The following NFATC3 variants were observed in gnomAD, a reference collection of about 807,000 sequenced individuals.
NFATC3 encodes the protein nuclear factor of activated T cells 3.
A neutral mutation model predicts 98.6 loss-of-function variants in NFATC3; 46 were observed. The ratio of observed to expected loss-of-function variants is 0.47; its 90% CI spans 0.37 to 0.60. The LOEUF (loss-of-function observed/expected upper bound fraction) is 0.60. Ranked by LOEUF, NFATC3 falls within the 20% of genes least tolerant of loss-of-function variation. The pLI, the probability that NFATC3 is intolerant of heterozygous loss-of-function variation, is 0.00. For missense variants in NFATC3, 1,256 were observed against 1,295.5 expected, an observed-to-expected ratio of 0.97 and a Z score of 0.47; for synonymous variants, 512 against 472.2, an observed-to-expected ratio of 1.08 and a Z score of -1.09.
chr16:68,121,086 T>C (rs1330246015), intron 1 of NFATC3, among the ~76,000 whole-genome samples: 1 of 149,066 alleles, frequency 6.7e-6, no homozygotes, highest in Admixed American at 6.6e-5. Context: ...TATTTGTAAA[T>C]GGGCCAAAAA....
intron 1 of NFATC3, among the ~76,000 whole-genome samples, chr16:68,101,768 C>G (rs1184120222): frequency 6.6e-6 from 1 of 152,136 alleles, no homozygotes; most frequent in Non-Finnish European, 1.5e-5. Context: ...CAGGCATGAC[C>G]CACCGCACCC....
In NFATC3 at chr16:68,192,224, A is replaced by ATATATATAT. The variant is rs1241835522; in HGVS notation, c.3106+449_3106+450insTATATATAT. ...CTCCGTCTCGGGAAAAAAAAAAAAA[A>ATATATATAT]AAAAAAATATATATATATATATATA... On this transcript the variant is annotated intron_variant, in intron 9 of 9. Transcript: ENST00000346183. The ATATATATAT allele has an allele frequency of 4.2e-4, 28 of 67,072 alleles. 1 individual carries two copies. Among genetic ancestry groups the ATATATATAT allele is most frequent in the Non-Finnish European group, 6.9e-4 (23 of 33,434 alleles). 4.2% of individuals were successfully genotyped at this position (67,072 alleles called of 1,614,324 possible). A position where few individuals can be genotyped will look rare whatever the true frequency, so the allele number is the denominator to read the frequency against.
intron 4 of NFATC3, among the ~76,000 whole-genome samples, chr16:68,163,176 T>C (rs960230288): frequency 1.3e-5 from 2 of 152,152 alleles, no homozygotes; most frequent in African/African-American, 4.8e-5. Flanking sequence ...TTTCTCAATC[T>C]TTTCCCCACC....
At chr16:68,222,264 G>A (rs1271944484) in intron 9 of NFATC3, among the ~76,000 whole-genome samples, 2 of 118,140 alleles carry the variant, frequency 1.7e-5, no homozygotes, top group African/African-American at 6.7e-5. Context: ...ATTCCAGCCT[G>A]GGCAACAGAG....
At position 68,112,268 on chromosome 16, in the gene NFATC3, C is replaced by CTTTTT. The variant is rs768228927; in HGVS notation, c.104-9696_104-9692dup. On this transcript the variant is annotated intron_variant, in intron 1 of 9. Coordinates refer to ENST00000346183, the MANE Select transcript of NFATC3 (RefSeq NM_173165.3). The stretch of plus-strand genomic sequence containing the variant: ...CAGGTACCCCAGTTGTAGGTTCAGT[C>CTTTTT]TTTTTTTTTTTTTTTTTTTTTTTTT... Among the ~76,000 whole-genome samples, 18 of 77,420 alleles carry CTTTTT rather than the reference C, an allele frequency of 2.3e-4. 4 individuals are homozygous for CTTTTT. Among genetic ancestry groups the CTTTTT allele is most frequent in the Admixed American group, 2.8e-4 (2 of 7,058 alleles). 50.8% of individuals were successfully genotyped at this position (77,420 alleles called of 152,430 possible).
At chr16:68,213,045 C>G (rs1338826377) in intron 9 of NFATC3, among the ~76,000 whole-genome samples, 3 of 149,204 alleles carry the variant, frequency 2.0e-5, no homozygotes, top group Non-Finnish European at 4.5e-5. Flanking sequence ...ATGATCCACC[C>G]GCCTCAGCCT....
At chr16:68,203,450 G>A (rs2041011335) in intron 9 of NFATC3, among the ~76,000 whole-genome samples, 1 of 151,982 alleles carries the variant, frequency 6.6e-6, no homozygotes, top group Admixed American at 6.6e-5. Flanking sequence ...TGGGCAACAT[G>A]GTGAAACCCT....
intron 6 of NFATC3, among the ~76,000 whole-genome samples, chr16:68,176,383 C>T (rs541990862): frequency 6.7e-6 from 1 of 149,450 alleles, no homozygotes; most frequent in Non-Finnish European, 1.5e-5. Flanking sequence ...GGACTTTGTA[C>T]GATATTGCCT....
intron 6 of NFATC3, among the ~76,000 whole-genome samples, chr16:68,177,121 C>T (rs1400674923): frequency 6.7e-6 from 1 of 149,780 alleles, no homozygotes; most frequent in Non-Finnish European, 1.5e-5. Context: ...GGTCTTGGCT[C>T]ACTGCAGCCT....
In NFATC3 at chr16:68,195,889, T is replaced by C. The variant is rs376484410; in HGVS notation, c.3106+4114T>C. Among the ~76,000 whole-genome samples the C allele has an allele frequency of 3.3e-5, 5 of 152,332 alleles. No homozygotes were observed. The East Asian group carries it at 5.8e-4, about 18-fold the overall frequency. ...TTTTTTTGTGATGGTAGTCTCACCC[T>C]GTCATCCGGTCTGAAGTGCAGTAGT... On this transcript the variant is annotated intron_variant, in intron 9 of 9. Transcript: ENST00000346183.
At chr16:68,166,775 A>G (rs2151595693) in intron 4 of NFATC3, 68 bp from the exon 5 acceptor site, 2 of 1,225,188 alleles carry the variant, frequency 1.6e-6, no homozygotes, top group Non-Finnish European at 2.2e-6. Context: ...AACAATTTCT[A>G]TGTAGTTGAG....
chr16:68,115,381 A>G (rs1040043988), intron 1 of NFATC3, among the ~76,000 whole-genome samples: 2 of 151,958 alleles, frequency 1.3e-5, no homozygotes, highest in Non-Finnish European at 2.9e-5. Flanking sequence ...GACTTTCTTT[A>G]CTTTGCTAGC....
chr16:68,167,140 T>A, intron 5 of NFATC3, 125 bp downstream of exon 5: 1 of 951,840 alleles, frequency 1.1e-6, no homozygotes, highest in Non-Finnish European at 1.6e-6. Context: ...GCTGGTTTGA[T>A]TTTCTCATGT....
intron 9 of NFATC3, chr16:68,224,769 T>C (rs909722662): frequency 6.6e-6 from 1 of 152,122 alleles, no homozygotes; most frequent in Non-Finnish European, 1.5e-5. Context: ...CAGAAAAAGA[T>C]TAGATGTTAA....
At chr16:68,215,904 A>G (rs1567554209) in intron 9 of NFATC3, among the ~76,000 whole-genome samples, 3 of 151,236 alleles carry the variant, frequency 2.0e-5, no homozygotes, top group Admixed American at 6.6e-5. Context: ...AATTTTTTGT[A>G]TTTTTAGTAG....
chr16:68,092,997 T>C (rs1414523101), intron 1 of NFATC3, among the ~76,000 whole-genome samples: 1 of 152,208 alleles, frequency 6.6e-6, no homozygotes, highest in African/African-American at 2.4e-5. Context: ...CCTAATTCAG[T>C]TCTGAAAGTC....
intron 1 of NFATC3, among the ~76,000 whole-genome samples, chr16:68,116,994 G>C (rs2036313131): frequency 6.6e-6 from 1 of 152,052 alleles, no homozygotes; most frequent in Admixed American, 6.6e-5. Flanking sequence ...TGTTTTTCCT[G>C]TCTCTCCTTT....
intron 2 of NFATC3, 62 bp from the exon 3 acceptor site, chr16:68,126,386 T>G (rs3815173): frequency 0.12 from 177,829 of 1,488,686 alleles, 11,489 homozygotes; most frequent in South Asian, 0.19. Flanking sequence ...AAAGAAGCCA[T>G]TTGAATCATT....
At position 68,122,803 on chromosome 16, in the gene NFATC3, A is replaced by G. The variant is rs764240812; in HGVS notation, c.920A>G (p.Glu307Gly). Reference protein sequence around the residue: ...PGHSPRGSVTEDTWLNASVHG... With the variant: ...PGHSPRGSVTGDTWLNASVHG... ...CACTCCCCCAGGGGAAGTGTGACAG[A>G]AGATACGTGGCTCAATGCTTCTGTC... The change falls in exon 2 of 10, where the codon GAA becomes GGA. Residue 307 changes from glutamate (E) to glycine (G), a missense_variant. Transcript: ENST00000346183. 1 of 1,614,284 alleles carries G rather than the reference A, an allele frequency of 6.2e-7. No homozygotes were observed. Among genetic ancestry groups the G allele is most frequent in the South Asian group, 1.1e-5 (1 of 91,092 alleles).
Sources: allele counts gnomAD v4.1 joint callset (sites outside exome capture counted in the v4.1 genomes callset), GRCh38; gene constraint gnomAD v4.1.1; transcripts MANE v1.5; gene names NCBI Gene and HGNC (gene_info 2026-07-23, HGNC 2026-07-21).